Variants in ENTREP1 observed in about 807,000 individuals in gnomAD.
ENTREP1 encodes the protein endosomal transmembrane epsin interactor 1, also known as Friedreich ataxia region gene X123.
chr9:69,391,318 A>G, the ENTREP1 span, among the ~76,000 whole-genome samples: 1 of 152,146 alleles, frequency 6.6e-6, no homozygotes, highest in Non-Finnish European at 1.5e-5. Context: ...GACTTCAGAG[A>G]AATTAGAGAA....
At chr9:69,342,415 G>T in the ENTREP1 span, among the ~76,000 whole-genome samples, 3 of 152,206 alleles carry the variant, frequency 2.0e-5, no homozygotes, top group South Asian at 6.2e-4. Context: ...ATCTCACTGT[G>T]GCCAACAGTG....
the ENTREP1 span, among the ~76,000 whole-genome samples, chr9:69,335,421 A>C: frequency 6.6e-6 from 1 of 152,176 alleles, no homozygotes. Context: ...TCAGGCAGCT[A>C]GGAGGGAAGC....
the ENTREP1 span, among the ~76,000 whole-genome samples, chr9:69,325,891 CA>C: frequency 6.6e-6 from 1 of 152,138 alleles, no homozygotes; most frequent in Non-Finnish European, 1.5e-5. Flanking sequence ...CGGTCGAGTT[CA>C]GGGGTGAATT....
the ENTREP1 span, among the ~76,000 whole-genome samples, chr9:69,344,715 TGCACTGTA>T: frequency 6.6e-6 from 1 of 152,326 alleles, no homozygotes; most frequent in South Asian, 2.1e-4. Flanking sequence ...GAGCTGTGGA[TGCACTGTA>T]GCCCTGGGGC....
chr9:69,361,620 T>C, the ENTREP1 span, among the ~76,000 whole-genome samples: 1 of 152,232 alleles, frequency 6.6e-6, no homozygotes, highest in Non-Finnish European at 1.5e-5. Context: ...TGTGAACATA[T>C]GCAAAGGTCA....
At chr9:69,347,447 G>A in the ENTREP1 span, among the ~76,000 whole-genome samples, 1 of 152,318 alleles carries the variant, frequency 6.6e-6, no homozygotes, top group Non-Finnish European at 1.5e-5. Context: ...TGTAGGGGGA[G>A]CAGTAGACCC....
chr9:69,345,460 T>C, the ENTREP1 span, among the ~76,000 whole-genome samples: 1 of 152,224 alleles, frequency 6.6e-6, no homozygotes, highest in Non-Finnish European at 1.5e-5. Flanking sequence ...TATTTATAGT[T>C]ATATATCTAA....
At chr9:69,369,295 G>A in the ENTREP1 span, among the ~76,000 whole-genome samples, 1 of 151,952 alleles carries the variant, frequency 6.6e-6, no homozygotes, top group Non-Finnish European at 1.5e-5. Flanking sequence ...AAACATACGT[G>A]TGTGTGTGTG....
the ENTREP1 span, among the ~76,000 whole-genome samples, chr9:69,375,224 G>T: frequency 6.6e-6 from 1 of 152,224 alleles, no homozygotes; most frequent in South Asian, 2.1e-4. Context: ...TTTGTATCAA[G>T]AATGGACTTG....
the ENTREP1 span, among the ~76,000 whole-genome samples, chr9:69,346,198 G>C: frequency 6.6e-6 from 1 of 152,028 alleles, no homozygotes; most frequent in African/African-American, 2.4e-5. Context: ...GGCCAGGCTG[G>C]TCTCGAACTC....
the ENTREP1 span, among the ~76,000 whole-genome samples, chr9:69,370,293 C>T: frequency 3.3e-5 from 5 of 152,240 alleles, no homozygotes; most frequent in African/African-American, 1.2e-4. Flanking sequence ...TGAGTAGCAA[C>T]TGCTAGTGTG....
At chr9:69,366,513 C>G in the ENTREP1 span, among the ~76,000 whole-genome samples, 97 of 150,228 alleles carry the variant, frequency 6.5e-4, no homozygotes, top group East Asian at 0.015. Context: ...TTGATTGTTT[C>G]CTTGGCTTCA....
the ENTREP1 span, among the ~76,000 whole-genome samples, chr9:69,339,298 G>A: frequency 6.6e-6 from 1 of 152,174 alleles, no homozygotes; most frequent in East Asian, 1.9e-4. Flanking sequence ...TGGGATTACA[G>A]GTATGAGCCA....
chr9:69,368,762 G>A, the ENTREP1 span, among the ~76,000 whole-genome samples: 2 of 152,014 alleles, frequency 1.3e-5, no homozygotes, highest in Non-Finnish European at 2.9e-5. Context: ...TTTGGCAGTG[G>A]CTTCATAAAT....
the ENTREP1 span, among the ~76,000 whole-genome samples, chr9:69,340,216 T>G: frequency 6.6e-6 from 1 of 152,230 alleles, no homozygotes; most frequent in Non-Finnish European, 1.5e-5. Flanking sequence ...TGGTGGAGGT[T>G]GGGAGGGGAA....
the ENTREP1 span, among the ~76,000 whole-genome samples, chr9:69,384,724 A>T: frequency 6.6e-6 from 1 of 152,202 alleles, no homozygotes; most frequent in Non-Finnish European, 1.5e-5. Flanking sequence ...ATTGTCCACC[A>T]GGACAAAATC....
At chr9:69,325,045 C>T in the ENTREP1 span, 1 of 985,396 alleles carries the variant, frequency 1.0e-6, no homozygotes, top group Non-Finnish European at 1.2e-6. Context: ...AGCGCGAGCA[C>T]GGAGTGCGCG....
chr9:69,329,542 G>A, the ENTREP1 span: 1 of 985,100 alleles, frequency 1.0e-6, no homozygotes, highest in Admixed American at 6.1e-5. Flanking sequence ...TCAGCAACTT[G>A]AAGGGAGAGT....
the ENTREP1 span, among the ~76,000 whole-genome samples, chr9:69,349,471 T>C: frequency 6.6e-6 from 1 of 152,176 alleles, no homozygotes; most frequent in Non-Finnish European, 1.5e-5. Flanking sequence ...TAGCCATTCT[T>C]TGGGGTGTGA....
Sources: allele counts gnomAD v4.1 joint callset (sites outside exome capture counted in the v4.1 genomes callset), GRCh38; gene constraint gnomAD v4.1.1; transcripts MANE v1.5; gene names NCBI Gene and HGNC (gene_info 2026-07-23, HGNC 2026-07-21).